The following KANSL1L variants were observed in gnomAD, a reference collection of about 807,000 sequenced individuals.
The protein encoded by KANSL1L is KAT8 regulatory NSL complex subunit 1-like protein.
A neutral mutation model predicts 108.6 loss-of-function variants in KANSL1L; 25 were observed. The ratio of observed to expected loss-of-function variants is 0.23; its 90% CI spans 0.17 to 0.32. The LOEUF is 0.32. KANSL1L is among the 10% of genes least tolerant of loss of function. KANSL1L has a pLI of 1.00. For synonymous variants in KANSL1L, 405 were observed against 395.1 expected, an observed-to-expected ratio of 1.03 and a Z score of -0.30; for missense variants, 1,137 against 1,125.7, an observed-to-expected ratio of 1.01 and a Z score of -0.14.
chr2:210,157,902 C>CAA (rs77438218), intron 1 of KANSL1L, among the ~76,000 whole-genome samples: 20 of 147,792 alleles, frequency 1.4e-4, no homozygotes, highest in South Asian at 6.4e-4. Context: ...AAGACCCTGT[C>CAA]AAAAAAAAAG....
At chr2:210,075,467 C>A in intron 6 of KANSL1L, 85 bp downstream of exon 6, 1 of 867,350 alleles carries the variant, frequency 1.2e-6, no homozygotes, top group South Asian at 1.6e-5. Context: ...AAGTGTTATG[C>A]TAAATAACAA....
chr2:210,139,742 C>CTTTTTTTT (rs200971902), intron 2 of KANSL1L, among the ~76,000 whole-genome samples: 2 of 134,372 alleles, frequency 1.5e-5, no homozygotes, highest in Non-Finnish European at 3.2e-5. Context: ...TGCCCATTTC[C>CTTTTTTTT]TTTTTTTTTT....
At chr2:210,066,146 T>C (rs2094465400) in intron 6 of KANSL1L, among the ~76,000 whole-genome samples, 1 of 152,172 alleles carries the variant, frequency 6.6e-6, no homozygotes, top group Non-Finnish European at 1.5e-5. Context: ...AAAAACACTG[T>C]GCTAGTTGTA....
At chr2:210,134,781 A>G (rs1315590201) in intron 2 of KANSL1L, among the ~76,000 whole-genome samples, 1 of 152,168 alleles carries the variant, frequency 6.6e-6, no homozygotes, top group Non-Finnish European at 1.5e-5. Flanking sequence ...AGAGAATGGA[A>G]ACCTACATTT....
chr2:210,046,362 C>G (rs572239823), intron 6 of KANSL1L, among the ~76,000 whole-genome samples: 3 of 152,082 alleles, frequency 2.0e-5, no homozygotes, highest in Non-Finnish European at 4.4e-5. Flanking sequence ...AGTCCAAAAT[C>G]TCATCTAAAT....
rs909912238 is a variant in KANSL1L at position 210,154,116 on chromosome 2, T to C, written c.467A>G (p.Asn156Ser). Residue 156 changes from asparagine (N) to serine (S), a missense_variant, in exon 2 of 15, where the codon AAT (asparagine) becomes AGT (serine). Coordinates refer to ENST00000281772, the MANE Select transcript of KANSL1L (RefSeq NM_152519.4). ...ATCTACATTAGTGTCTTTGGTTATATTTGAATCCAGAATAATTTGTACATC... is the reference window on the plus strand; with the variant it reads ...ATCTACATTAGTGTCTTTGGTTATACTTGAATCCAGAATAATTTGTACATC... Reference protein sequence around the residue: ...MKDVQIILDSNITKDTNVDKV... With the variant: ...MKDVQIILDSSITKDTNVDKV... 17 of 1,614,100 alleles carry C rather than the reference T, an allele frequency of 1.1e-5. No homozygotes were observed. Among genetic ancestry groups the C allele is most frequent in the Middle Eastern group, 1.6e-4 (1 of 6,062 alleles).
chr2:210,085,734 A>G (rs953147130), intron 5 of KANSL1L, among the ~76,000 whole-genome samples: 3 of 151,802 alleles, frequency 2.0e-5, no homozygotes, highest in Non-Finnish European at 2.9e-5. Context: ...ATATTTCAAT[A>G]TAAGCATGTT....
intron 6 of KANSL1L, among the ~76,000 whole-genome samples, chr2:210,068,158 G>T (rs1197607780): frequency 6.6e-6 from 1 of 152,288 alleles, no homozygotes; most frequent in South Asian, 2.1e-4. Flanking sequence ...TTACAGGCGT[G>T]AGCCACCGCG....
chr2:210,145,568 C>G (rs144743060), intron 2 of KANSL1L, among the ~76,000 whole-genome samples: 1 of 152,280 alleles, frequency 6.6e-6, no homozygotes, highest in East Asian at 1.9e-4. Context: ...ACACAGAAAC[C>G]ACAGCTCCAG....
At chr2:210,103,186 T>A (rs368371769) in intron 4 of KANSL1L, among the ~76,000 whole-genome samples, 8 of 152,062 alleles carry the variant, frequency 5.3e-5, no homozygotes, top group African/African-American at 1.4e-4. Flanking sequence ...ATGAAGCTGG[T>A]AACCATCATT....
At chr2:210,052,810 T>C (rs552108559) in intron 6 of KANSL1L, among the ~76,000 whole-genome samples, 3 of 152,238 alleles carry the variant, frequency 2.0e-5, no homozygotes, top group African/African-American at 4.8e-5. Flanking sequence ...TACTAGAAGA[T>C]AGGAGGAGGG....
At chr2:210,108,377 C>T (rs1488723293) in intron 3 of KANSL1L, among the ~76,000 whole-genome samples, 1 of 152,070 alleles carries the variant, frequency 6.6e-6, no homozygotes, top group Admixed American at 6.6e-5. Flanking sequence ...TACGTCTTTC[C>T]TTAAAACAAT....
chr2:210,067,634 C>A (rs566290680), intron 6 of KANSL1L, among the ~76,000 whole-genome samples: 172 of 147,282 alleles, frequency 1.2e-3, no homozygotes, highest in Non-Finnish European at 2.2e-3. Flanking sequence ...GAGCTTGAGC[C>A]CTGGAGGTTG....
intron 12 of KANSL1L, among the ~76,000 whole-genome samples, chr2:210,026,965 G>A (rs1175544801): frequency 6.6e-6 from 1 of 152,120 alleles, no homozygotes; most frequent in African/African-American, 2.4e-5. Context: ...TAGAGACGGG[G>A]TTTCACCGTG....
chr2:210,090,060 G>A (rs1198280987), intron 5 of KANSL1L, among the ~76,000 whole-genome samples: 1 of 152,062 alleles, frequency 6.6e-6, no homozygotes, highest in East Asian at 1.9e-4. Flanking sequence ...CTGAATCAAC[G>A]ACTAGTATAC....
At chr2:210,060,902 C>T (rs562335645) in intron 6 of KANSL1L, among the ~76,000 whole-genome samples, 1 of 152,288 alleles carries the variant, frequency 6.6e-6, no homozygotes, top group Non-Finnish European at 1.5e-5. Flanking sequence ...ATATTTATAT[C>T]ACATTGATTT....
At chr2:210,033,489 T>C (rs2094051849) in intron 8 of KANSL1L, among the ~76,000 whole-genome samples, 1 of 152,206 alleles carries the variant, frequency 6.6e-6, no homozygotes, top group Non-Finnish European at 1.5e-5. Flanking sequence ...TTCTCCACTC[T>C]TCTGAAAACA....
intron 5 of KANSL1L, chr2:210,079,703 TA>T: frequency 1.4e-4 from 1 of 7,034 alleles, no homozygotes; most frequent in South Asian, 0.016. Context: ...TATGTGTGTA[TA>T]TATATATATA....
chr2:210,072,417 T>C (rs1415224964), intron 6 of KANSL1L, among the ~76,000 whole-genome samples: 1 of 152,242 alleles, frequency 6.6e-6, no homozygotes, highest in African/African-American at 2.4e-5. Flanking sequence ...ATATAGTTAC[T>C]ATATGCCCCC....
Sources: allele counts gnomAD v4.1 joint callset (sites outside exome capture counted in the v4.1 genomes callset), GRCh38; gene constraint gnomAD v4.1.1; transcripts MANE v1.5; gene names NCBI Gene and HGNC (gene_info 2026-07-23, HGNC 2026-07-21).